PRKCB: variants seen among roughly 807,000 people sequenced by gnomAD.
The protein encoded by PRKCB is protein kinase C beta type.
Under a neutral mutation model 81.5 loss-of-function variants are expected in PRKCB, and 13 were observed. That is an observed-to-expected ratio of 0.16 (90% CI 0.10 to 0.25). The LOEUF is 0.25. Among genes scored for constraint, PRKCB ranks in the 10% least tolerant of loss-of-function variants. The pLI is 1.00. For missense variants in PRKCB, 509 were observed against 875.7 expected, an observed-to-expected ratio of 0.58 and a Z score of 5.29; for synonymous variants, 335 against 321.4, an observed-to-expected ratio of 1.04 and a Z score of -0.45.
At chr16:24,056,572 T>A (rs1315626634) in intron 5 of PRKCB, among the ~76,000 whole-genome samples, 1 of 152,130 alleles carries the variant, frequency 6.6e-6, no homozygotes, top group African/African-American at 2.4e-5. Context: ...CATTTTTGGG[T>A]CATGGGGCAG....
chr16:24,217,654 C>A lies in PRKCB; in HGVS notation c.*2838C>A. On this transcript the variant is annotated 3_prime_UTR_variant, in exon 17 of 17. Coordinates refer to ENST00000643927, the MANE Select transcript of PRKCB (RefSeq NM_002738.7). ...GGTTATCTGAAGCATTAGCCATCAC[C>A]AGCACAACAAACGGGGCAGGGCTTT... is the stretch of plus-strand genomic sequence containing the variant. 1 of 985,506 alleles carries A rather than the reference C, an allele frequency of 1.0e-6. No homozygotes were observed. The highest frequency in any genetic ancestry group is 4.7e-5 in the South Asian group (1 of 21,280). The allele number at this position is 985,506 out of a possible 1,614,324, so 61.0% of individuals were successfully genotyped here. A position where few individuals can be genotyped will look rare whatever the true frequency, so the allele number is the denominator to read the frequency against.
At chr16:23,836,408 C>A (rs2141070667) in intron 1 of PRKCB, 60 bp downstream of exon 1, 4 of 1,551,932 alleles carry the variant, frequency 2.6e-6, no homozygotes, top group Non-Finnish European at 3.5e-6. Context: ...GCGCCAGGGA[C>A]CCCCTCTCCG....
chr16:23,981,983 TTTCCC>T (rs1964728340), intron 2 of PRKCB, among the ~76,000 whole-genome samples: 1 of 101,756 alleles, frequency 9.8e-6, no homozygotes, highest in African/African-American at 3.7e-5. Context: ...TTCCCTTCCC[TTTCCC>T]TTCCTTTTCC....
At chr16:23,974,926 G>A (rs1430079014) in intron 2 of PRKCB, among the ~76,000 whole-genome samples, 2 of 152,052 alleles carry the variant, frequency 1.3e-5, no homozygotes, top group African/African-American at 2.4e-5. Flanking sequence ...CAAATCCCAG[G>A]GAGAACAGTG....
intron 2 of PRKCB, among the ~76,000 whole-genome samples, chr16:23,852,345 C>CT (rs34689935): frequency 8.6e-5 from 13 of 151,732 alleles, no homozygotes; most frequent in Non-Finnish European, 1.9e-4. Flanking sequence ...TTTTCAAGTG[C>CT]TTTTTTTTCC....
intron 2 of PRKCB, among the ~76,000 whole-genome samples, chr16:23,914,017 T>C (rs532321517): frequency 1.3e-5 from 2 of 152,180 alleles, no homozygotes; most frequent in African/African-American, 4.8e-5. Context: ...TTTTTTTCTT[T>C]TCTTTTGGGG....
Position 24,220,540 on chromosome 16 carries a change from G to C in PRKCB, c.*5724G>C, listed in dbSNP as rs1006766111. The C allele has an allele frequency of 6.4e-6, 1 of 156,028 alleles. No individual in the cohort carries two copies. Among genetic ancestry groups the C allele is most frequent in the African/African-American group, 2.4e-5 (1 of 41,490 alleles). The allele number at this position is 156,028 out of a possible 1,614,324, so 9.7% of individuals were successfully genotyped here. A position where few individuals can be genotyped will look rare whatever the true frequency, so the allele number is the denominator to read the frequency against. The stretch of plus-strand genomic sequence containing the variant: ...ATTGTGAGTAAGCTTTGCAGTTACT[G>C]TGAACTATTGTCTCTTGGAGGAAGT... On this transcript the variant is annotated 3_prime_UTR_variant, in exon 17 of 17. Transcript: ENST00000643927.
In PRKCB at chr16:23,996,053, T is replaced by C. The variant is rs369797333; in HGVS notation, c.288+7463T>C. The stretch of plus-strand genomic sequence containing the variant: ...ATACATGTGACTATATCCTGATTCA[T>C]GGGCTGTAGCCAATTATTTGACTGG... On this transcript the variant is annotated intron_variant, in intron 3 of 16. Transcript: ENST00000643927. Among the ~76,000 whole-genome samples the C allele has an allele frequency of 1.1e-4, 16 of 152,130 alleles. No homozygotes were observed. In the East Asian group the frequency reaches 3.1e-3, roughly 29 times the overall value.
chr16:23,991,537 T>C (rs1288570400), intron 3 of PRKCB, among the ~76,000 whole-genome samples: 1 of 152,234 alleles, frequency 6.6e-6, no homozygotes, highest in African/African-American at 2.4e-5. Flanking sequence ...TCTATCTATC[T>C]GCTGAATGTT....
chr16:23,935,164 AT>A (rs1323784543), intron 2 of PRKCB, among the ~76,000 whole-genome samples: 2 of 152,140 alleles, frequency 1.3e-5, no homozygotes, highest in East Asian at 3.9e-4. Flanking sequence ...GCTTGGAGTG[AT>A]CTGGGGATCT....
chr16:23,897,353 T>C (rs1009684324), intron 2 of PRKCB, among the ~76,000 whole-genome samples: 3 of 152,214 alleles, frequency 2.0e-5, no homozygotes, highest in African/African-American at 7.2e-5. Flanking sequence ...GTGTTTCCTG[T>C]GGGTTTGCAA....
At chr16:23,944,683 G>A (rs1203074206) in intron 2 of PRKCB, among the ~76,000 whole-genome samples, 1 of 152,180 alleles carries the variant, frequency 6.6e-6, no homozygotes, top group East Asian at 1.9e-4. Context: ...GCCACTTTGG[G>A]TGGCTGGAAA....
intron 2 of PRKCB, among the ~76,000 whole-genome samples, chr16:23,968,728 G>A (rs780726087): frequency 4.6e-5 from 7 of 152,178 alleles, no homozygotes; most frequent in Non-Finnish European, 8.8e-5. Context: ...CAAGCAGCAC[G>A]TAACTCTCAG....
chr16:24,167,446 G>A (rs1483336129), intron 10 of PRKCB, among the ~76,000 whole-genome samples: 1 of 152,122 alleles, frequency 6.6e-6, no homozygotes, highest in African/African-American at 2.4e-5. Flanking sequence ...TGTAGTCCCA[G>A]CTACTGGAGA....
chr16:23,997,080 G>A lies in PRKCB; in HGVS notation c.288+8490G>A, dbSNP rs566019874. Among the ~76,000 whole-genome samples the A allele has an allele frequency of 2.8e-3, 431 of 152,210 alleles. 4 individuals are homozygous for A. Among genetic ancestry groups the A allele is most frequent in the African/African-American group, 9.8e-3 (407 of 41,514 alleles). ...CAGCATGGAGGTCTCAGTTCCAGAG[G>A]GAGGAATACTTCCAGCAGGAGACAG... On this transcript the variant is annotated intron_variant, in intron 3 of 16. Coordinates refer to ENST00000643927, the MANE Select transcript of PRKCB (RefSeq NM_002738.7).
intron 2 of PRKCB, among the ~76,000 whole-genome samples, chr16:23,852,482 A>T (rs923803533): frequency 1.3e-5 from 2 of 152,204 alleles, no homozygotes; most frequent in Non-Finnish European, 2.9e-5. Context: ...ATCATGGTGA[A>T]TAAAATTCTT....
At chr16:23,887,345 C>A (rs371814204) in intron 2 of PRKCB, among the ~76,000 whole-genome samples, 1 of 152,260 alleles carries the variant, frequency 6.6e-6, no homozygotes, top group East Asian at 1.9e-4. Context: ...ACCGTTACCC[C>A]CTTCTCTCCC....
intron 16 of PRKCB, among the ~76,000 whole-genome samples, chr16:24,209,655 T>C (rs1333418926): frequency 1.3e-5 from 2 of 152,064 alleles, no homozygotes; most frequent in African/African-American, 2.4e-5. Context: ...CACATCCGAA[T>C]GCATCTTTCC....
chr16:24,047,998 C>T (rs1965789638), intron 5 of PRKCB, among the ~76,000 whole-genome samples: 1 of 152,220 alleles, frequency 6.6e-6, no homozygotes, highest in Admixed American at 6.5e-5. Flanking sequence ...GTGGCTGACG[C>T]TTACTGAGCC....
Sources: allele counts gnomAD v4.1 joint callset (sites outside exome capture counted in the v4.1 genomes callset), GRCh38; gene constraint gnomAD v4.1.1; transcripts MANE v1.5; gene names NCBI Gene and HGNC (gene_info 2026-07-23, HGNC 2026-07-21).